Variants in RP1 observed in about 807,000 individuals in gnomAD.
RP1 encodes the protein oxygen-regulated protein 1.
A neutral mutation model predicts 14.8 loss-of-function variants in RP1; 16 were observed. That is an observed-to-expected ratio of 1.08 (90% confidence interval 0.73 to 1.65). The LOEUF is 1.65. RP1 is among the 40% of genes most tolerant of loss of function. The pLI is 0.00. For missense variants in RP1, 2,631 were observed against 2,535.0 expected, an observed-to-expected ratio of 1.04 and a Z score of -0.81; for synonymous variants, 876 against 883.6, an observed-to-expected ratio of 0.99 and a Z score of 0.15.
At chr8:54,697,371 A>G (rs554371905) in intron 12 of RP1, among the ~76,000 whole-genome samples, 2 of 152,228 alleles carry the variant, frequency 1.3e-5, no homozygotes, top group South Asian at 4.1e-4. Flanking sequence ...CCTGACCAAC[A>G]TGGAGAAACC....
At chr8:54,785,227 G>A (rs527423048) in intron 24 of RP1, among the ~76,000 whole-genome samples, 1 of 152,152 alleles carries the variant, frequency 6.6e-6, no homozygotes, top group African/African-American at 2.4e-5. Flanking sequence ...CTACACATTT[G>A]CCTGTTCTGG....
intron 6 of RP1, among the ~76,000 whole-genome samples, chr8:54,656,819 C>G (rs542906070): frequency 1.3e-5 from 2 of 150,152 alleles, no homozygotes; most frequent in Non-Finnish European, 3.0e-5. Flanking sequence ...TAAGGGCATA[C>G]GAGATTATTA....
intron 24 of RP1, among the ~76,000 whole-genome samples, chr8:54,786,819 T>G (rs1310538456): frequency 6.6e-6 from 1 of 152,160 alleles, no homozygotes; most frequent in Non-Finnish European, 1.5e-5. Flanking sequence ...TTCTATAACT[T>G]GCTGAAGATA....
At chr8:54,698,102 G>A (rs1389864028) in intron 12 of RP1, among the ~76,000 whole-genome samples, 1 of 152,088 alleles carries the variant, frequency 6.6e-6, no homozygotes, top group Non-Finnish European at 1.5e-5. Flanking sequence ...GAGTGAACAG[G>A]CCACCTACAG....
chr8:54,814,327 T>C (rs10108775), intron 24 of RP1, among the ~76,000 whole-genome samples: 68,442 of 152,006 alleles, frequency 0.45, 17,033 homozygotes, highest in African/African-American at 0.68. Context: ...AGTGGATATC[T>C]GCAGAGAATG....
At chr8:54,718,216 T>C (rs1053186807) in intron 15 of RP1, among the ~76,000 whole-genome samples, 1 of 152,160 alleles carries the variant, frequency 6.6e-6, no homozygotes, top group Non-Finnish European at 1.5e-5. Flanking sequence ...ATCTATAAGC[T>C]GGTCCTGAGT....
In RP1 at chr8:54,861,198, T is replaced by C. The variant is rs571288180; in HGVS notation, c.4069+4092T>C. ...ATTTGGAGTCTGATAACCCACTACC[T>C]AATGTAAGCCTGAACATTACCAGTA... On this transcript the variant is annotated intron_variant, in intron 27 of 28. Transcript: ENST00000637698. 9.3e-4 allele frequency among the ~76,000 whole-genome samples: 141 copies of C among 152,344 alleles called. 1 individual carries two copies. The highest frequency in any genetic ancestry group is 1.9e-3 in the South Asian group (9 of 4,826).
chr8:54,687,412 C>T (rs766073650), intron 12 of RP1, among the ~76,000 whole-genome samples: 1 of 152,118 alleles, frequency 6.6e-6, no homozygotes, highest in African/African-American at 2.4e-5. Flanking sequence ...CTGCACCCAA[C>T]AACCCATCAT....
chr8:54,678,528 C>T, exon 9 of RP1: 1 of 1,533,644 alleles, frequency 6.5e-7, no homozygotes, highest in South Asian at 1.2e-5. Context: ...ATGCCTTCTT[C>T]TGTCACAGGT....
chr8:54,593,403 T>A (rs1173125957), intron 1 of RP1, among the ~76,000 whole-genome samples: 1 of 152,212 alleles, frequency 6.6e-6, no homozygotes, highest in Admixed American at 6.5e-5. Flanking sequence ...TACTAGTGTA[T>A]CACCTTGAAT....
At chr8:54,764,143 C>A (rs777335402) in intron 22 of RP1, among the ~76,000 whole-genome samples, 1 of 152,180 alleles carries the variant, frequency 6.6e-6, no homozygotes, top group African/African-American at 2.4e-5. Flanking sequence ...CAATTGTGGG[C>A]CCCCTGCAGG....
At chr8:54,731,389 C>T (rs561917363) in intron 17 of RP1, among the ~76,000 whole-genome samples, 6 of 152,024 alleles carry the variant, frequency 3.9e-5, no homozygotes, top group African/African-American at 1.4e-4. Context: ...ATCCAGGGTC[C>T]CCATTAAATA....
chr8:54,560,036 A>T (rs1804249744), intron 1 of RP1, among the ~76,000 whole-genome samples: 1 of 152,202 alleles, frequency 6.6e-6, no homozygotes, highest in Non-Finnish European at 1.5e-5. Context: ...AGCCACAAAC[A>T]TATTTGCAGC....
upstream of RP1, among the ~76,000 whole-genome samples, chr8:54,612,370 G>A (rs982955613): frequency 1.3e-5 from 2 of 152,206 alleles, no homozygotes; most frequent in African/African-American, 4.8e-5. Flanking sequence ...ATGGGGCTGG[G>A]GGATGAGGAA....
intron 8 of RP1, among the ~76,000 whole-genome samples, chr8:54,678,293 T>C (rs1227023959): frequency 6.6e-6 from 1 of 152,246 alleles, no homozygotes; most frequent in Non-Finnish European, 1.5e-5. Context: ...AGAAATACAT[T>C]CCTTACAGTT....
Position 54,625,863 on chromosome 8 carries a change from G to C in RP1, c.1981G>C (p.Glu661Gln). ...QCGLTKLPKN[E>Q]KKILSSVASK... Reference sequence around the variant, plus strand: ...TGGTTTAACAAAACTTCCAAAAAATGAAAAGAAGATTTTGTCATCTGTTGC... The same window carrying C: ...TGGTTTAACAAAACTTCCAAAAAATCAAAAGAAGATTTTGTCATCTGTTGC... The change falls in exon 4 of 4, where the codon GAA becomes CAA. Residue 661 changes from glutamate to glutamine, a missense_variant. Glu to Gln is a conservative substitution (Grantham distance 29, BLOSUM62 2). Coordinates refer to ENST00000220676, the MANE Select transcript of RP1 (RefSeq NM_006269.2). 6.2e-7 allele frequency: 1 copy of C among 1,613,616 alleles called. No individual in the cohort carries two copies. Among genetic ancestry groups the C allele is most frequent in the Non-Finnish European group, 8.5e-7 (1 of 1,179,932 alleles).
At chr8:54,792,677 T>C (rs1810494537) in intron 24 of RP1, among the ~76,000 whole-genome samples, 1 of 151,900 alleles carries the variant, frequency 6.6e-6, no homozygotes. Context: ...CCAAAACTTA[T>C]GTGATACAAA....
At chr8:54,663,726 C>T (rs1009107454) in exon 7 of RP1, 22 of 1,530,016 alleles carry the variant, frequency 1.4e-5, no homozygotes, top group South Asian at 6.0e-5. Flanking sequence ...AATGTGGCAA[C>T]GGGTGAGCTA....
chr8:54,759,154 G>C, intron 22 of RP1: 1 of 1,313,374 alleles, frequency 7.6e-7, no homozygotes, highest in Non-Finnish European at 1.0e-6. Flanking sequence ...GTGTGTGTGT[G>C]TGTGTGTGTG....
Sources: gnomAD v4.1 joint callset for allele counts (sites outside exome capture counted in the v4.1 genomes callset) on GRCh38, gnomAD v4.1.1 for gene constraint, MANE v1.5 for transcripts, NCBI Gene and HGNC (gene_info 2026-07-23, HGNC 2026-07-21) for gene names.